Variants in TAOK1 observed in about 807,000 individuals in gnomAD.
TAOK1 encodes TAO kinase 1.
A neutral mutation model predicts 138.3 loss-of-function variants in TAOK1; 21 were observed. The ratio of observed to expected loss-of-function variants is 0.15; its 90% CI spans 0.11 to 0.22. TAOK1 has a LOEUF of 0.22. TAOK1 is among the 10% of genes least tolerant of loss of function. The pLI is 1.00. For synonymous variants in TAOK1, 361 were observed against 398.4 expected (o/e 0.91, Z 1.12); for missense variants, 651 against 1,227.7 (o/e 0.53, Z 7.02).
intron 8 of TAOK1, among the ~76,000 whole-genome samples, chr17:29,484,700 G>A (rs2031132438): frequency 6.6e-6 from 1 of 152,006 alleles, no homozygotes; most frequent in South Asian, 2.1e-4. Context: ...CGCCTCCTGG[G>A]TTCAAGGGAT....
rs1028776146 is a variant in TAOK1, at chr17:29,394,958, A to G, written c.-95+3934A>G. Among the ~76,000 whole-genome samples, 6 of 151,402 alleles carry G rather than the reference A, an allele frequency of 4.0e-5. No homozygotes were observed. The East Asian group carries it at 9.8e-4, about 25-fold the overall frequency. The stretch of plus-strand genomic sequence containing the variant: ...AAAACAAATTTTTTTTTTAATTAGC[A>G]TGGGCTAGGCATGGTGGTTTATGCC... On this transcript the variant is annotated intron_variant, in intron 1 of 19. Coordinates refer to ENST00000261716, the MANE Select transcript of TAOK1 (RefSeq NM_020791.4).
intron 1 of TAOK1, among the ~76,000 whole-genome samples, chr17:29,444,032 T>C (rs142284202): frequency 0.011 from 1,605 of 152,212 alleles, 12 homozygotes; most frequent in Non-Finnish European, 0.016. Context: ...GGAGAATTGC[T>C]TGAGCTCGGG....
intron 10 of TAOK1, among the ~76,000 whole-genome samples, chr17:29,493,895 A>T (rs2153027833): frequency 6.6e-6 from 1 of 152,198 alleles, no homozygotes; most frequent in South Asian, 2.1e-4. Flanking sequence ...CATTATGTTT[A>T]TGAGTTTGAA....
chr17:29,488,540 C>G (rs528233417), intron 8 of TAOK1, among the ~76,000 whole-genome samples: 2 of 148,640 alleles, frequency 1.3e-5, no homozygotes, highest in African/African-American at 2.5e-5. Context: ...CCATTGCACT[C>G]CAGGCTGGGC....
intron 18 of TAOK1, among the ~76,000 whole-genome samples, chr17:29,533,174 G>A (rs1180957778): frequency 7.3e-5 from 11 of 149,810 alleles, no homozygotes; most frequent in Non-Finnish European, 1.5e-4. Context: ...GGTCGCGGCC[G>A]GGCAGAGGCG....
rs760448834 is a variant in TAOK1 at position 29,451,518 on chromosome 17, T to G, written c.-31T>G. Reference sequence around the variant, plus strand: ...CAAGGATCGGGATAGCAGTATAAAATTAGAATCAAGACAGCTGACTGCTCA... The same window carrying G: ...CAAGGATCGGGATAGCAGTATAAAAGTAGAATCAAGACAGCTGACTGCTCA... On this transcript the variant is annotated 5_prime_UTR_variant, in exon 2 of 20. Transcript: ENST00000261716. 9.4e-6 allele frequency: 15 copies of G among 1,590,050 alleles called. No homozygotes were observed. In the South Asian group the frequency reaches 1.6e-4, roughly 17 times the overall value.
rs938658040 is a variant in TAOK1 at position 29,550,911 on chromosome 17, G to C, written c.*7889G>C. On this transcript the variant is annotated 3_prime_UTR_variant, in exon 20 of 20. Transcript: ENST00000261716. Reference sequence around the variant, plus strand: ...CCTTAAAGGCCATATCACTCCATTTGCATTATTTGTGCAAATGCCAGGGTT... The same window carrying C: ...CCTTAAAGGCCATATCACTCCATTTCCATTATTTGTGCAAATGCCAGGGTT... The C allele has an allele frequency of 2.6e-5, 4 of 151,674 alleles. No homozygotes were observed. Among genetic ancestry groups the C allele is most frequent in the African/African-American group, 9.7e-5 (4 of 41,062 alleles). The allele number at this position is 151,674 out of a possible 1,614,324, so 9.4% of individuals were successfully genotyped here.
intron 17 of TAOK1, among the ~76,000 whole-genome samples, chr17:29,525,102 T>G: frequency 6.6e-6 from 1 of 151,360 alleles, no homozygotes; most frequent in East Asian, 1.9e-4. Flanking sequence ...TGTTTGTTTT[T>G]TTTGTTTTGT....
chr17:29,423,920 A>G (rs1419524056), intron 1 of TAOK1, among the ~76,000 whole-genome samples: 1 of 151,726 alleles, frequency 6.6e-6, no homozygotes, highest in African/African-American at 2.4e-5. Flanking sequence ...GTGGTAGTGG[A>G]CGCCTGTAAT....
chr17:29,497,153 G>A lies in TAOK1; in HGVS notation c.1000-1165G>A, dbSNP rs565752526. 1.1e-4 allele frequency among the ~76,000 whole-genome samples: 17 copies of A among 151,344 alleles called. No individual in the cohort carries two copies. The South Asian group carries it at 1.3e-3, about 11-fold the overall frequency. On this transcript the variant is annotated intron_variant, in intron 11 of 19. Transcript: ENST00000261716. ...AAATATTTTGTTTCTTCTTTGCCCC[G>A]TCAGAATTCATAAAATTTTATTCTT...
intron 19 of TAOK1, among the ~76,000 whole-genome samples, chr17:29,536,416 G>A (rs531824237): frequency 9.9e-5 from 15 of 151,916 alleles, no homozygotes; most frequent in African/African-American, 3.4e-4. Context: ...TGGCTAACAC[G>A]GTGAAACCCC....
chr17:29,532,976 C>T (rs1313017416), intron 18 of TAOK1, among the ~76,000 whole-genome samples: 98 of 114,330 alleles, frequency 8.6e-4, no homozygotes, highest in African/African-American at 3.2e-3. Context: ...GGCGGGTGGC[C>T]GGGCAGGGGG....
rs1216311837 is a variant in TAOK1 at position 29,491,797 on chromosome 17, C to T, written c.763C>T (p.Arg255Cys). 3.1e-6 allele frequency: 5 copies of T among 1,613,336 alleles called. No homozygotes were observed. The highest frequency in any genetic ancestry group is 4.2e-6 in the Non-Finnish European group (5 of 1,179,478). Reference sequence around the variant, plus strand: ...CCTTTACAATAGGTCTGATTATTTTCGCAACTTTGTAGATTCTTGCCTCCA... The same window carrying T: ...CCTTTACAATAGGTCTGATTATTTTTGCAACTTTGTAGATTCTTGCCTCCA... ...LQSNEWSDYF[R>C]NFVDSCLQKI... is the part of the protein sequence containing the mutation. The change falls in exon 10 of 20, where the codon CGC (arginine) becomes TGC (cysteine). Residue 255 changes from arginine to cysteine, a missense_variant. By Grantham distance (180) the Arg-to-Cys change is radical. Coordinates refer to ENST00000261716, the MANE Select transcript of TAOK1 (RefSeq NM_020791.4).
At chr17:29,458,744 G>C (rs940920730) in intron 2 of TAOK1, among the ~76,000 whole-genome samples, 3 of 152,068 alleles carry the variant, frequency 2.0e-5, no homozygotes, top group African/African-American at 7.2e-5. Flanking sequence ...GCCCAGGCTG[G>C]AATGCAGTAT....
chr17:29,463,106 T>C (rs1368596393), intron 2 of TAOK1, among the ~76,000 whole-genome samples: 4 of 152,164 alleles, frequency 2.6e-5, no homozygotes, highest in African/African-American at 7.2e-5. Context: ...TCAAGTAAAA[T>C]GTAGAAATTA....
chr17:29,475,141 A>G (rs1418619435), intron 3 of TAOK1, among the ~76,000 whole-genome samples: 3 of 152,186 alleles, frequency 2.0e-5, no homozygotes, highest in African/African-American at 7.2e-5. Context: ...CGGTTTCACC[A>G]TGTTGGCCAG....
chr17:29,526,800 A>G (rs2032017181), intron 17 of TAOK1, among the ~76,000 whole-genome samples: 5 of 138,144 alleles, frequency 3.6e-5, no homozygotes, highest in Admixed American at 2.4e-4. Context: ...CCTGGGCAGC[A>G]TAGGGAGATC....
chr17:29,480,210 G>T, intron 6 of TAOK1, 158 bp from the exon 7 acceptor site: 1 of 415,626 alleles, frequency 2.4e-6, no homozygotes, highest in Admixed American at 4.4e-5. Context: ...TTTCTAATTT[G>T]AATATTAATT....
intron 1 of TAOK1, among the ~76,000 whole-genome samples, chr17:29,417,617 A>G (rs893770319): frequency 3.3e-5 from 5 of 152,020 alleles, no homozygotes; most frequent in Non-Finnish European, 7.4e-5. Flanking sequence ...ACCTGTGGCC[A>G]GGGGCCCCTT....
Sources: allele counts gnomAD v4.1 joint callset (sites outside exome capture counted in the v4.1 genomes callset), GRCh38; gene constraint gnomAD v4.1.1; transcripts MANE v1.5; gene names NCBI Gene and HGNC (gene_info 2026-07-23, HGNC 2026-07-21).